RBFOX1: variants seen among roughly 807,000 people sequenced by gnomAD.
RBFOX1 encodes RNA binding protein fox-1 homolog 1.
In RBFOX1, 8 loss-of-function variants were observed where a neutral mutation model predicts 57.7. The observed-to-expected ratio is 0.14, with a 90% CI of 0.08 to 0.25. The LOEUF is 0.25. Ranked by LOEUF, RBFOX1 falls within the 10% of genes least tolerant of loss-of-function variation. The pLI, the probability that RBFOX1 is intolerant of heterozygous loss-of-function variation, is 1.00. For synonymous variants in RBFOX1, 326 were observed against 222.4 expected, an observed-to-expected ratio of 1.47 and a Z score of -4.15; for missense variants, 611 against 548.5, an observed-to-expected ratio of 1.11 and a Z score of -1.14.
intron 3 of RBFOX1, among the ~76,000 whole-genome samples, chr16:6,903,830 G>C (rs1044017862): frequency 6.6e-6 from 1 of 152,098 alleles, no homozygotes; most frequent in Non-Finnish European, 1.5e-5. Flanking sequence ...CCCAACAGGC[G>C]GGCTGTAAAG....
At chr16:5,333,802 C>T (rs1243545052) in intron 1 of RBFOX1, among the ~76,000 whole-genome samples, 1 of 152,158 alleles carries the variant, frequency 6.6e-6, no homozygotes, top group Non-Finnish European at 1.5e-5. Flanking sequence ...TTTACTGAAT[C>T]TGGTAGGCAT....
At chr16:6,373,222 A>C (rs2090723126) in intron 2 of RBFOX1, among the ~76,000 whole-genome samples, 1 of 149,332 alleles carries the variant, frequency 6.7e-6, no homozygotes. Flanking sequence ...ATAGAAGGAT[A>C]GTTCGTTGGG....
chr16:7,240,056 T>G (rs566458948), intron 4 of RBFOX1, among the ~76,000 whole-genome samples: 1 of 152,276 alleles, frequency 6.6e-6, no homozygotes, highest in East Asian at 1.9e-4. Context: ...AACATTTGTC[T>G]CCTGAGTTCA....
At position 6,946,334 on chromosome 16, in the gene RBFOX1, G is replaced by T. The variant is rs78260682; in HGVS notation, c.-15-105723G>T. The stretch of plus-strand genomic sequence containing the variant: ...AAAACTTTATTTACAAAAATAGTCA[G>T]TGGGCCAGGTCTGGCCAGCTGGCCC... On this transcript the variant is annotated intron_variant, in intron 3 of 15. Transcript: ENST00000550418. Among the ~76,000 whole-genome samples the T allele has an allele frequency of 5.6e-3, 854 of 152,322 alleles. 7 individuals carry two copies. The highest frequency in any genetic ancestry group is 0.019 in the African/African-American group (796 of 41,592).
chr16:6,496,634 A>T (rs543168668), intron 2 of RBFOX1, among the ~76,000 whole-genome samples: 3 of 152,120 alleles, frequency 2.0e-5, no homozygotes, highest in Non-Finnish European at 4.4e-5. Context: ...GAAGACACCA[A>T]TGCTCTTGGG....
At chr16:6,375,214 T>C (rs776513455) in intron 2 of RBFOX1, among the ~76,000 whole-genome samples, 6 of 152,114 alleles carry the variant, frequency 3.9e-5, no homozygotes, top group Non-Finnish European at 7.4e-5. Flanking sequence ...GTGAACTTCA[T>C]GGGTGGCTTT....
rs372504874 is a variant in RBFOX1, at chr16:7,590,069, C to CAG, written c.468+2770_468+2771dup. Among the ~76,000 whole-genome samples, 260 of 152,034 alleles carry CAG rather than the reference C, an allele frequency of 1.7e-3. 2 individuals are homozygous for CAG. The highest frequency in any genetic ancestry group is 6.2e-3 in the African/African-American group (256 of 41,444). On this transcript the variant is annotated intron_variant, in intron 7 of 15. Coordinates refer to ENST00000550418, the MANE Select transcript of RBFOX1 (RefSeq NM_018723.4). ...TTGTATGAAGCCAGGAGTTCAAGACCAGCCTGGACAACAGTGAGACCCCAT... is the reference window on the plus strand; with the variant it reads ...TTGTATGAAGCCAGGAGTTCAAGACCAGAGCCTGGACAACAGTGAGACCCCAT...
chr16:7,460,389 A>ATATATATATATATATATATATATGTG lies in RBFOX1; in HGVS notation c.28-57757_28-57756insATATATATATATATATATATATGTGT. Among the ~76,000 whole-genome samples the ATATATATATATATATATATATATGTG allele has an allele frequency of 2.5e-3, 215 of 87,024 alleles. 1 individual carries two copies. Among genetic ancestry groups the ATATATATATATATATATATATATGTG allele is most frequent in the South Asian group, 0.013 (29 of 2,214 alleles). The allele number at this position is 87,024 out of a possible 152,430, so 57.1% of individuals were successfully genotyped here. A position where few individuals can be genotyped will look rare whatever the true frequency, so the allele number is the denominator to read the frequency against. On this transcript the variant is annotated intron_variant, in intron 4 of 15. Coordinates refer to ENST00000550418, the MANE Select transcript of RBFOX1 (RefSeq NM_018723.4). Reference sequence around the variant, plus strand: ...TAGCAAAATATATATATATATATATATGTGTGTGTGTGTGTGTGTGTGTGT... The same window carrying ATATATATATATATATATATATATGTG: ...TAGCAAAATATATATATATATATATATATATATATATATATATATATATGTGTGTGTGTGTGTGTGTGTGTGTGTGT...
chr16:6,610,707 G>C (rs79875458), intron 2 of RBFOX1, among the ~76,000 whole-genome samples: 1 of 152,142 alleles, frequency 6.6e-6, no homozygotes, highest in East Asian at 1.9e-4. Context: ...ATCAGATTGC[G>C]AAGTGGTCTT....
At chr16:5,561,797 A>G (rs1193552394) in intron 2 of RBFOX1, among the ~76,000 whole-genome samples, 2 of 152,140 alleles carry the variant, frequency 1.3e-5, no homozygotes, top group East Asian at 3.9e-4. Context: ...GTATTTTAGC[A>G]GAAGTTACTT....
At chr16:7,543,631 T>C (rs928832425) in intron 5 of RBFOX1, among the ~76,000 whole-genome samples, 3 of 152,048 alleles carry the variant, frequency 2.0e-5, no homozygotes, top group Non-Finnish European at 4.4e-5. Context: ...TTAACAGCTG[T>C]ATTTTATTGA....
chr16:7,382,776 C>G (rs2097801221), intron 4 of RBFOX1, among the ~76,000 whole-genome samples: 1 of 152,204 alleles, frequency 6.6e-6, no homozygotes, highest in Non-Finnish European at 1.5e-5. Context: ...AGAAATTTAT[C>G]CCAAGTGCTT....
rs550013156 is a variant in RBFOX1, at chr16:5,773,558, T to C, written c.319-93745T>C. Among the ~76,000 whole-genome samples, 6 of 152,384 alleles carry C rather than the reference T, an allele frequency of 3.9e-5. No individual in the cohort carries two copies. The East Asian group carries it at 1.2e-3, about 29-fold the overall frequency. ...GTTTTTTATTGATGGACATTTAGGATGTTTTCAGTTTATTTTTCCCATTCT... is the reference window on the plus strand; with the variant it reads ...GTTTTTTATTGATGGACATTTAGGACGTTTTCAGTTTATTTTTCCCATTCT... On this transcript the variant is annotated intron_variant, in intron 3 of 19. Transcript: ENST00000641259.
At chr16:6,766,372 G>GT (rs921094156) in intron 3 of RBFOX1, among the ~76,000 whole-genome samples, 31 of 152,078 alleles carry the variant, frequency 2.0e-4, no homozygotes, top group African/African-American at 6.8e-4. Flanking sequence ...GCATTTGTCT[G>GT]TTTTTTCATT....
chr16:6,835,500 C>A (rs772449390), intron 3 of RBFOX1, among the ~76,000 whole-genome samples: 1 of 151,766 alleles, frequency 6.6e-6, no homozygotes, highest in African/African-American at 2.4e-5. Context: ...GCCTGCAATC[C>A]CAGCACTTTG....
intron 5 of RBFOX1, among the ~76,000 whole-genome samples, chr16:7,569,966 A>C (rs1180231479): frequency 1.3e-5 from 2 of 152,144 alleles, no homozygotes; most frequent in Non-Finnish European, 2.9e-5. Flanking sequence ...GGGATCCTTC[A>C]CATGTCATTT....
At chr16:5,793,014 C>T (rs1055328334) in intron 3 of RBFOX1, among the ~76,000 whole-genome samples, 2 of 152,204 alleles carry the variant, frequency 1.3e-5, no homozygotes, top group African/African-American at 2.4e-5. Context: ...AGAAAATCTA[C>T]ATAGAAATGA....
chr16:5,841,478 A>G (rs535916643), intron 3 of RBFOX1, among the ~76,000 whole-genome samples: 3 of 152,352 alleles, frequency 2.0e-5, no homozygotes, highest in Non-Finnish European at 2.9e-5. Flanking sequence ...CCCTCCCACA[A>G]AAAATTGCCA....
chr16:7,518,042 T>C, intron 4 of RBFOX1, 105 bp from the exon 5 acceptor site: 1 of 1,425,118 alleles, frequency 7.0e-7, no homozygotes, highest in Non-Finnish European at 9.5e-7. Flanking sequence ...TGGTGACCCC[T>C]AGAAAGTACG....
Sources: gnomAD v4.1 joint callset for allele counts (sites outside exome capture counted in the v4.1 genomes callset) on GRCh38, gnomAD v4.1.1 for gene constraint, MANE v1.5 for transcripts, NCBI Gene and HGNC (gene_info 2026-07-23, HGNC 2026-07-21) for gene names.